Variants in ST14 observed in about 807,000 individuals in gnomAD.
ST14 encodes ST14 transmembrane serine protease matriptase.
A neutral mutation model predicts 96.5 loss-of-function variants in ST14; 40 were observed. The ratio of observed to expected loss-of-function variants is 0.41; its 90% CI spans 0.32 to 0.54. ST14 has a LOEUF of 0.54. Among genes scored for constraint, ST14 ranks in the 20% least tolerant of loss-of-function variants. The pLI is 0.17. For synonymous variants in ST14, 506 were observed against 492.1 expected (o/e 1.03, Z -0.37); for missense variants, 1,066 against 1,188.9 (o/e 0.90, Z 1.52).
At chr11:130,205,699 G>GTTTTTTTTTTT (rs34790396) in intron 16 of ST14, among the ~76,000 whole-genome samples, 4 of 94,630 alleles carry the variant, frequency 4.2e-5, no homozygotes, top group Non-Finnish European at 6.0e-5. Flanking sequence ...TTCTTTAGAC[G>GTTTTTTTTTTT]TTTTTTTTTT....
intron 16 of ST14, among the ~76,000 whole-genome samples, chr11:130,201,129 A>T (rs1404977190): frequency 2.6e-5 from 4 of 152,226 alleles, no homozygotes; most frequent in Non-Finnish European, 5.9e-5. Flanking sequence ...CCTCAGACAC[A>T]CAGACAGATG....
rs1438886481 is a variant in ST14 at position 130,199,009 on chromosome 11, G to A, written c.1747G>A (p.Gly583Ser). The change falls in exon 15 of 19, where the codon GGC becomes AGC. Residue 583 changes from glycine (G) to serine (S), a missense_variant. Coordinates refer to ENST00000278742, the MANE Select transcript of ST14 (RefSeq NM_021978.4). ...RCLNGLCLSK[G>S]NPECDGKEDC... Reference sequence around the variant, plus strand: ...CCTCAATGGGCTCTGCTTGAGCAAGGGCAACCCTGAGTGTGACGGGAAGGA... The same window carrying A: ...CCTCAATGGGCTCTGCTTGAGCAAGAGCAACCCTGAGTGTGACGGGAAGGA... The A allele has an allele frequency of 6.2e-7, 1 of 1,614,098 alleles. No homozygotes were observed. The highest frequency in any genetic ancestry group is 8.5e-7 in the Non-Finnish European group (1 of 1,180,010).
rs752858724 is a variant in ST14 at position 130,189,849 on chromosome 11, G to T, written c.551G>T (p.Arg184Leu). ...AEERVVMLPP[R>L]ARSLKSFVVT... is the part of the protein sequence containing the mutation. ...GAGCGCGTAGTCATGCTGCCCCCGC[G>T]GGCGCGCTCCCTGAAGTCCTTTGTG... Residue 184 changes from arginine to leucine, a missense_variant, in exon 5 of 19, where the codon CGG becomes CTG. Coordinates refer to ENST00000278742, the MANE Select transcript of ST14 (RefSeq NM_021978.4). 1 of 1,613,894 alleles carries T rather than the reference G, an allele frequency of 6.2e-7. No individual in the cohort carries two copies. Among genetic ancestry groups the T allele is most frequent in the African/African-American group, 1.3e-5 (1 of 75,048 alleles).
Position 130,208,511 on chromosome 11 carries a change from C to A in ST14, c.2096C>A (p.Ser699Tyr). 6.2e-7 allele frequency: 1 copy of A among 1,614,242 alleles called. No individual in the cohort carries two copies. Among genetic ancestry groups the A allele is most frequent in the East Asian group, 2.2e-5 (1 of 44,886 alleles). ...VQERRLKRII[S>Y]HPFFNDFTFD... ...GAGCGCAGGCTCAAGCGCATCATCT[C>A]CCACCCCTTCTTCAATGACTTCACC... Residue 699 changes from serine (S) to tyrosine (Y), a missense_variant, in exon 17 of 19, where the codon TCC (serine) becomes TAC (tyrosine). Transcript: ENST00000278742.
intron 1 of ST14, among the ~76,000 whole-genome samples, chr11:130,168,642 G>C (rs946012439): frequency 6.6e-6 from 1 of 152,202 alleles, no homozygotes; most frequent in Non-Finnish European, 1.5e-5. Flanking sequence ...TGCAGAATCT[G>C]TCTCGGCTCT....
intron 15 of ST14, among the ~76,000 whole-genome samples, chr11:130,199,743 G>C (rs12421950): frequency 6.6e-6 from 1 of 152,202 alleles, no homozygotes; most frequent in African/African-American, 2.4e-5. Flanking sequence ...ATTTGGGAGC[G>C]GGGAGAAGGA....
intron 16 of ST14, among the ~76,000 whole-genome samples, chr11:130,206,219 A>G (rs768538637): frequency 5.9e-5 from 9 of 152,172 alleles, no homozygotes; most frequent in Non-Finnish European, 1.2e-4. Flanking sequence ...TGGCTGAGTT[A>G]GGAAGCAGTG....
chr11:130,194,536 C>T (rs545186875), intron 8 of ST14, 104 bp from the exon 9 acceptor site: 284 of 1,260,548 alleles, frequency 2.3e-4, no homozygotes, highest in Non-Finnish European at 3.2e-4. Context: ...GCAGCATCCA[C>T]GCGTCCAGGA....
chr11:130,180,200 C>T (rs1218345627), intron 1 of ST14, among the ~76,000 whole-genome samples: 1 of 152,124 alleles, frequency 6.6e-6, no homozygotes, highest in Non-Finnish European at 1.5e-5. Context: ...CAGCTGTGTC[C>T]CTAGCTGGTG....
chr11:130,174,567 T>C (rs1464565790), intron 1 of ST14, among the ~76,000 whole-genome samples: 1 of 152,136 alleles, frequency 6.6e-6, no homozygotes, highest in Admixed American at 6.5e-5. Flanking sequence ...GAGCCACCCT[T>C]GACATAAGTA....
At chr11:130,168,706 T>C (rs989376434) in intron 1 of ST14, among the ~76,000 whole-genome samples, 2 of 152,188 alleles carry the variant, frequency 1.3e-5, no homozygotes, top group African/African-American at 4.8e-5. Flanking sequence ...TTGTATCCTA[T>C]TCCCCCAGGA....
chr11:130,202,876 A>G (rs529684019), intron 16 of ST14, among the ~76,000 whole-genome samples: 1 of 152,308 alleles, frequency 6.6e-6, no homozygotes, highest in Non-Finnish European at 1.5e-5. Context: ...CTGTGTCAGC[A>G]TCGAGAATTG....
intron 16 of ST14, among the ~76,000 whole-genome samples, chr11:130,201,432 G>A (rs1332198813): frequency 1.3e-5 from 2 of 152,254 alleles, no homozygotes; most frequent in Admixed American, 6.5e-5. Flanking sequence ...GGAGAGATGG[G>A]CCCACAGCAG....
At chr11:130,178,228 TAAAA>T (rs960768043) in intron 1 of ST14, among the ~76,000 whole-genome samples, 3 of 152,196 alleles carry the variant, frequency 2.0e-5, no homozygotes, top group Admixed American at 1.3e-4. Flanking sequence ...GCCACGAAGA[TAAAA>T]AGAGTCTCCT....
chr11:130,160,166 G>C (rs1410688496), intron 1 of ST14, 106 bp downstream of exon 1: 2 of 755,480 alleles, frequency 2.6e-6, no homozygotes, highest in South Asian at 4.0e-5. Context: ...GTCGGTGGCC[G>C]AGCTCTGGGC....
intron 9 of ST14, 43 bp downstream of exon 9, chr11:130,194,780 G>A (rs773753295): frequency 5.0e-6 from 8 of 1,588,530 alleles, no homozygotes; most frequent in Admixed American, 1.7e-5. Context: ...GTGTGAGCAT[G>A]TATGTGCACG....
At chr11:130,203,801 C>T (rs1054192175) in intron 16 of ST14, among the ~76,000 whole-genome samples, 2 of 152,128 alleles carry the variant, frequency 1.3e-5, no homozygotes, top group Non-Finnish European at 2.9e-5. Context: ...TACAGGCATG[C>T]GCCACCGTGC....
At chr11:130,193,232 C>T (rs625317) in intron 7 of ST14, among the ~76,000 whole-genome samples, 126,643 of 151,964 alleles carry the variant, frequency 0.83, 52,875 homozygotes, top group East Asian at 0.95. Context: ...GGACTGCAGG[C>T]AAGCGCCACC....
chr11:130,162,274 G>A (rs529731925), intron 1 of ST14, among the ~76,000 whole-genome samples: 1 of 152,176 alleles, frequency 6.6e-6, no homozygotes. Flanking sequence ...CCTGATGCAC[G>A]TTACTGCATC....
Sources: gnomAD v4.1 joint callset for allele counts (sites outside exome capture counted in the v4.1 genomes callset) on GRCh38, gnomAD v4.1.1 for gene constraint, MANE v1.5 for transcripts, NCBI Gene and HGNC (gene_info 2026-07-23, HGNC 2026-07-21) for gene names.